Variants in KIF1A observed in about 807,000 individuals in gnomAD.
KIF1A encodes kinesin-like protein KIF1A.
In KIF1A, 46 loss-of-function variants were observed where a neutral mutation model predicts 227.3. The observed-to-expected ratio is 0.20, with a 90% CI of 0.16 to 0.26. The LOEUF is 0.26. KIF1A is among the 10% of genes least tolerant of loss of function. The pLI is 1.00. For missense variants in KIF1A, 1,683 were observed against 2,485.9 expected (o/e 0.68, Z 6.87); for synonymous variants, 1,022 against 1,012.8 (o/e 1.01, Z -0.17).
intron 10 of KIF1A, among the ~76,000 whole-genome samples, chr2:240,780,529 GCA>G (rs2053519996): frequency 6.6e-6 from 1 of 151,948 alleles, no homozygotes; most frequent in African/African-American, 2.4e-5. Context: ...TCCCGTAGCT[GCA>G]CAGAGAGCTC....
chr2:240,797,575 G>A (rs2056541419), intron 2 of KIF1A, 72 bp downstream of exon 2: 9 of 1,066,464 alleles, frequency 8.4e-6, no homozygotes, highest in Non-Finnish European at 1.3e-5. Flanking sequence ...TGCTGAGCCT[G>A]GCCCATAGGC....
At chr2:240,772,948 G>T (rs1444217690) in intron 13 of KIF1A, among the ~76,000 whole-genome samples, 166 bp downstream of exon 13, 1 of 152,166 alleles carries the variant, frequency 6.6e-6, no homozygotes, top group Non-Finnish European at 1.5e-5. Flanking sequence ...GTGGAGCAGG[G>T]ACAGGGATTT....
chr2:240,768,155 C>T (rs1036581060), intron 17 of KIF1A, among the ~76,000 whole-genome samples: 2 of 152,216 alleles, frequency 1.3e-5, no homozygotes. Flanking sequence ...GGTCCCACTT[C>T]TGGGCAGTGC....
rs2051234816 is a variant in KIF1A, at chr2:240,766,742, C to CTG, written c.1684+172_1684+173insCA. Among the ~76,000 whole-genome samples, 1 of 130,000 alleles carries CTG rather than the reference C, an allele frequency of 7.7e-6. No homozygotes were observed. Among genetic ancestry groups the CTG allele is most frequent in the Non-Finnish European group, 1.7e-5 (1 of 59,946 alleles). The allele number at this position is 130,000 out of a possible 152,430, so 85.3% of individuals were successfully genotyped here. A position where few individuals can be genotyped will look rare whatever the true frequency, so the allele number is the denominator to read the frequency against. Reference sequence around the variant, plus strand: ...TCCAAATCTCTCTCTCTCTCTCTCTCTCTCTCTCACACACACACACACACA... The same window carrying CTG: ...TCCAAATCTCTCTCTCTCTCTCTCTCTGTCTCTCTCACACACACACACACACA... On this transcript the variant is annotated intron_variant, in intron 19 of 48. Transcript: ENST00000498729. The surrounding 1 kb of genome is among the most constrained non-coding windows in gnomAD (Gnocchi z 5.0).
chr2:240,774,653 T>C (rs1198697133), intron 11 of KIF1A, among the ~76,000 whole-genome samples: 8 of 152,118 alleles, frequency 5.3e-5, no homozygotes, highest in Non-Finnish European at 1.2e-4. Flanking sequence ...TCATTTTCAT[T>C]TGAAATATAT....
Position 240,757,423 on chromosome 2 carries a change from ATCCTCCTCCTCCTCCTCC to A in KIF1A, c.2736_2753del (p.Glu912_Glu917del), listed in dbSNP as rs10594016. On this transcript the variant is annotated inframe_deletion, in exon 27 of 49. Transcript: ENST00000498729. This position sits in a 1 kb window ranked among gnomAD's most constrained non-coding sequence, Gnocchi z 6.2. ...CGTCCTCCAGGTCCTCCTCCTCCTC[ATCCTCCTCCTCCTCCTCC>A]TCCTCCTCCTCCTCCCCCACGCTCT... 2 of 1,482,768 alleles carry A rather than the reference ATCCTCCTCCTCCTCCTCC, an allele frequency of 1.3e-6. No individual in the cohort carries two copies. Among genetic ancestry groups the A allele is most frequent in the South Asian group, 1.3e-5 (1 of 79,180 alleles). 91.9% of individuals were successfully genotyped at this position (1,482,768 alleles called of 1,614,324 possible).
At chr2:240,796,213 G>A (rs531947760) in intron 2 of KIF1A, among the ~76,000 whole-genome samples, 1 of 152,304 alleles carries the variant, frequency 6.6e-6, no homozygotes, top group Non-Finnish European at 1.5e-5. Context: ...CCCACCTGAG[G>A]TCACATTTCC....
chr2:240,789,429 G>A lies in KIF1A; in HGVS notation c.107-117C>T. On this transcript the variant is annotated intron_variant, in intron 2 of 48. Coordinates refer to ENST00000498729, the MANE Select transcript of KIF1A (RefSeq NM_001244008.2). The surrounding 1 kb of genome is among the most constrained non-coding windows in gnomAD (Gnocchi z 4.8). ...AGGCCTCGGGCCCCAGACAAGCCAGGCCCCCAAATTGGAGGGGACCTAGGA... is the reference window on the plus strand; with the variant it reads ...AGGCCTCGGGCCCCAGACAAGCCAGACCCCCAAATTGGAGGGGACCTAGGA... 1.3e-6 allele frequency: 1 copy of A among 792,662 alleles called. No individual in the cohort carries two copies. Among genetic ancestry groups the A allele is most frequent in the Non-Finnish European group, 2.1e-6 (1 of 466,918 alleles). 49.1% of individuals were successfully genotyped at this position (792,662 alleles called of 1,614,324 possible).
rs1240293119 is a variant in KIF1A at position 240,740,729 on chromosome 2, G to A, written c.3750-365C>T. On this transcript the variant is annotated intron_variant, in intron 35 of 48. Coordinates refer to ENST00000498729, the MANE Select transcript of KIF1A (RefSeq NM_001244008.2). The surrounding 1 kb of genome is among the most constrained non-coding windows in gnomAD (Gnocchi z 6.1). ...GATCCAGAGGAAATCCCAGCAGATG[G>A]GCTCGTCTTCTCCAACATCTAAGGC... 1.3e-5 allele frequency among the ~76,000 whole-genome samples: 2 copies of A among 152,026 alleles called. No homozygotes were observed. The highest frequency in any genetic ancestry group is 2.9e-5 in the Non-Finnish European group (2 of 67,980).
chr2:240,783,138 G>T lies in KIF1A; in HGVS notation c.799-29C>A, dbSNP rs757570406. 29 of 1,588,644 alleles carry T rather than the reference G, an allele frequency of 1.8e-5. No individual in the cohort carries two copies. In the South Asian group the frequency reaches 3.1e-4, roughly 17 times the overall value. On this transcript the variant is annotated intron_variant, in intron 8 of 48. Transcript: ENST00000498729. ...CGGGCAGAAAAGACAGTGGGGTTGG[G>T]ATGCTGGGGACCCGTGGGGCCTCCT...
At chr2:240,753,777 A>G (rs1006749281) in intron 27 of KIF1A, among the ~76,000 whole-genome samples, 24 of 152,326 alleles carry the variant, frequency 1.6e-4, no homozygotes, top group African/African-American at 5.1e-4. Flanking sequence ...GTCTCAGCAC[A>G]TTAGAACGAT....
At chr2:240,810,718 C>T (rs2057799820) in intron 1 of KIF1A, among the ~76,000 whole-genome samples, 1 of 152,218 alleles carries the variant, frequency 6.6e-6, no homozygotes, top group South Asian at 2.1e-4. Context: ...AGCAGCACTC[C>T]ACAGACTCAG....
chr2:240,780,076 C>G (rs562382667), intron 10 of KIF1A, among the ~76,000 whole-genome samples: 1 of 152,226 alleles, frequency 6.6e-6, no homozygotes, highest in East Asian at 1.9e-4. Context: ...CCTCTCAGGC[C>G]CCCGCGAGTT....
At position 240,790,704 on chromosome 2, in the gene KIF1A, G is replaced by A. The variant is rs1299333400; in HGVS notation, c.107-1392C>T. 3.9e-5 allele frequency among the ~76,000 whole-genome samples: 6 copies of A among 152,050 alleles called. No homozygotes were observed. Among genetic ancestry groups the A allele is most frequent in the Non-Finnish European group, 7.4e-5 (5 of 68,020 alleles). On this transcript the variant is annotated intron_variant, in intron 2 of 48. Coordinates refer to ENST00000498729, the MANE Select transcript of KIF1A (RefSeq NM_001244008.2). This position sits in a 1 kb window ranked among gnomAD's most constrained non-coding sequence, Gnocchi z 5.0. ...CTAGTGCTGCCATGTCCTTATAAAA[G>A]AGGAGATTTGGAGACAGGGAGGGTG...
At chr2:240,808,651 C>T (rs1274463952) in intron 1 of KIF1A, among the ~76,000 whole-genome samples, 1 of 151,822 alleles carries the variant, frequency 6.6e-6, no homozygotes, top group Admixed American at 6.6e-5. Context: ...CCAGGCTGGG[C>T]AACAGAGCAA....
rs939572992 is a variant in KIF1A, at chr2:240,775,247, G to A, written c.958+604C>T. On this transcript the variant is annotated intron_variant, in intron 11 of 48. Transcript: ENST00000498729. This position sits in a 1 kb window ranked among gnomAD's most constrained non-coding sequence, Gnocchi z 5.5. ...GCACACCTCAGCCATGCGGCTGAGG[G>A]AGGCCAGGGACCCCCAGTCATCTAT... Among the ~76,000 whole-genome samples the A allele has an allele frequency of 1.3e-5, 2 of 152,218 alleles. No individual in the cohort carries two copies. Among genetic ancestry groups the A allele is most frequent in the Non-Finnish European group, 2.9e-5 (2 of 68,030 alleles).
intron 10 of KIF1A, among the ~76,000 whole-genome samples, chr2:240,779,424 CCTCA>C (rs1393610036): frequency 1.4e-5 from 2 of 147,932 alleles, no homozygotes; most frequent in South Asian, 2.1e-4. Flanking sequence ...ACACTCAGGT[CCTCA>C]CTCACTTCCT....
intron 38 of KIF1A, 136 bp from the exon 39 acceptor site, chr2:240,727,076 C>CG: frequency 1.8e-6 from 1 of 564,034 alleles, no homozygotes; most frequent in South Asian, 2.5e-5. Flanking sequence ...GCTGGAAGCC[C>CG]GGGCGGCGGT....
rs1043170670 is a variant in KIF1A, at chr2:240,725,009, C to T, written c.4256+262G>A. ...CCCCAGGTGGGCACCCTGGGCCTGC[C>T]CCTCCTCCCATCCGCTGCAGGCTGG... On this transcript the variant is annotated intron_variant, in intron 40 of 48. Coordinates refer to ENST00000498729, the MANE Select transcript of KIF1A (RefSeq NM_001244008.2). The surrounding 1 kb of genome is among the most constrained non-coding windows in gnomAD (Gnocchi z 5.8). Among the ~76,000 whole-genome samples the T allele has an allele frequency of 4.6e-5, 7 of 151,538 alleles. No homozygotes were observed. Among genetic ancestry groups the T allele is most frequent in the African/African-American group, 1.7e-4 (7 of 41,234 alleles).
Sources: gnomAD v4.1 joint callset for allele counts (sites outside exome capture counted in the v4.1 genomes callset) on GRCh38, gnomAD v4.1.1 for gene constraint, Gnocchi (gnomAD v3.1) non-coding constraint, MANE v1.5 for transcripts, NCBI Gene and HGNC (gene_info 2026-07-23, HGNC 2026-07-21) for gene names.